GABRB2: variants seen among roughly 807,000 people sequenced by gnomAD.
GABRB2 encodes the protein gamma-aminobutyric acid type A receptor subunit beta2.
GABRB2 carries 16 observed loss-of-function variants against 54.7 expected under a neutral mutation model. The observed-to-expected ratio is 0.29, with a 90% CI of 0.20 to 0.44. The LOEUF (loss-of-function observed/expected upper bound fraction) is 0.44. Among genes scored for constraint, GABRB2 ranks in the 20% least tolerant of loss-of-function variants. The pLI is 1.00. For synonymous variants in GABRB2, 244 were observed against 233.8 expected, an observed-to-expected ratio of 1.04 and a Z score of -0.40; for missense variants, 355 against 644.0, an observed-to-expected ratio of 0.55 and a Z score of 4.86.
At chr5:161,326,114 A>C (rs138569742) in intron 9 of GABRB2, among the ~76,000 whole-genome samples, 1 of 152,168 alleles carries the variant, frequency 6.6e-6, no homozygotes, top group Non-Finnish European at 1.5e-5. Flanking sequence ...CGATCCATTT[A>C]ATTTCTTTCC....
intron 3 of GABRB2, among the ~76,000 whole-genome samples, chr5:161,478,196 G>C (rs1044412252): frequency 6.6e-6 from 1 of 151,948 alleles, no homozygotes; most frequent in Non-Finnish European, 1.5e-5. Flanking sequence ...TGTTCAAAGT[G>C]ATCAGGAAAA....
At chr5:161,322,301 T>C (rs1758234534) in intron 9 of GABRB2, among the ~76,000 whole-genome samples, 1 of 152,192 alleles carries the variant, frequency 6.6e-6, no homozygotes, top group South Asian at 2.1e-4. Flanking sequence ...AATGGTGCAA[T>C]CTTGGCGCGC....
chr5:161,528,730 T>C (rs1280663248), intron 3 of GABRB2, among the ~76,000 whole-genome samples: 1 of 151,920 alleles, frequency 6.6e-6, no homozygotes, highest in African/African-American at 2.4e-5. Context: ...GTATTATACA[T>C]ATGGTACATC....
chr5:161,447,435 C>T (rs1214187631), intron 4 of GABRB2, among the ~76,000 whole-genome samples: 1 of 152,082 alleles, frequency 6.6e-6, no homozygotes, highest in Non-Finnish European at 1.5e-5. Flanking sequence ...ATATAAAGTC[C>T]TAATTATTTT....
intron 3 of GABRB2, among the ~76,000 whole-genome samples, chr5:161,489,798 A>C (rs1046125216): frequency 6.6e-6 from 1 of 151,908 alleles, no homozygotes; most frequent in Admixed American, 6.6e-5. Flanking sequence ...CACTACTTAC[A>C]TTAAGCCTAA....
At chr5:161,439,638 A>T (rs1344692435) in intron 4 of GABRB2, among the ~76,000 whole-genome samples, 2 of 152,236 alleles carry the variant, frequency 1.3e-5, no homozygotes, top group Non-Finnish European at 2.9e-5. Context: ...AATAGAAAAA[A>T]CAAAAAGTTT....
intron 9 of GABRB2, among the ~76,000 whole-genome samples, chr5:161,317,613 C>T (rs1322569674): frequency 1.3e-5 from 2 of 152,052 alleles, no homozygotes; most frequent in Admixed American, 6.6e-5. Context: ...AAGAGGAATT[C>T]AGCTATTCCA....
At chr5:161,475,381 G>C (rs1455329237) in intron 3 of GABRB2, among the ~76,000 whole-genome samples, 1 of 151,846 alleles carries the variant, frequency 6.6e-6, no homozygotes, top group Non-Finnish European at 1.5e-5. Flanking sequence ...GACTTCACTA[G>C]TGAATCTGCC....
At chr5:161,358,713 T>C (rs1754714601) in intron 5 of GABRB2, among the ~76,000 whole-genome samples, 1 of 152,106 alleles carries the variant, frequency 6.6e-6, no homozygotes, top group Non-Finnish European at 1.5e-5. Flanking sequence ...TGCTCTTATA[T>C]GATGATTCAG....
intron 4 of GABRB2, among the ~76,000 whole-genome samples, chr5:161,453,098 T>C (rs1757840949): frequency 6.6e-6 from 1 of 152,186 alleles, no homozygotes; most frequent in South Asian, 2.1e-4. Flanking sequence ...CATATTTCAG[T>C]CTGTTTTAAA....
At chr5:161,350,898 T>C (rs1754454431) in intron 5 of GABRB2, among the ~76,000 whole-genome samples, 1 of 152,108 alleles carries the variant, frequency 6.6e-6, no homozygotes, top group African/African-American at 2.4e-5. Flanking sequence ...CTCTGGCCTT[T>C]GGTCACAGAC....
chr5:161,487,187 G>C (rs1758952081), intron 3 of GABRB2, among the ~76,000 whole-genome samples: 1 of 151,802 alleles, frequency 6.6e-6, no homozygotes, highest in Admixed American at 6.6e-5. Flanking sequence ...GCTCTTTTGT[G>C]CGGTGACAAG....
intron 4 of GABRB2, among the ~76,000 whole-genome samples, chr5:161,435,062 C>G (rs1379763651): frequency 6.6e-6 from 1 of 152,012 alleles, no homozygotes; most frequent in Non-Finnish European, 1.5e-5. Flanking sequence ...ACACATTGAC[C>G]CAGGAATATG....
chr5:161,533,109 C>T lies in GABRB2; in HGVS notation c.237+12118G>A, dbSNP rs536836785. 4.6e-5 allele frequency among the ~76,000 whole-genome samples: 7 copies of T among 151,748 alleles called. No homozygotes were observed. In the South Asian group the frequency reaches 1.5e-3, roughly 32 times the overall value. On this transcript the variant is annotated intron_variant, in intron 3 of 9. Coordinates refer to ENST00000393959, the MANE Select transcript of GABRB2 (RefSeq NM_001371727.1). ...TAAGACCTCTTGGCAGGTAAATGGG[C>T]AGTAGATGCCAAAGTGTATAGCAAG...
chr5:161,386,923 C>T (rs1020489644), intron 5 of GABRB2, among the ~76,000 whole-genome samples: 2 of 151,430 alleles, frequency 1.3e-5, no homozygotes, highest in Non-Finnish European at 2.9e-5. Flanking sequence ...GACTTGACCG[C>T]GTAAAAATGT....
intron 5 of GABRB2, among the ~76,000 whole-genome samples, chr5:161,353,746 T>G (rs1342428808): frequency 6.6e-6 from 1 of 152,142 alleles, no homozygotes; most frequent in East Asian, 1.9e-4. Context: ...TCAACTGTTT[T>G]TATTAGTAGT....
chr5:161,371,203 T>C (rs1667679091), intron 5 of GABRB2, among the ~76,000 whole-genome samples: 1 of 152,126 alleles, frequency 6.6e-6, no homozygotes, highest in Non-Finnish European at 1.5e-5. Flanking sequence ...TTCTGACCCA[T>C]GATCTGGGCA....
intron 3 of GABRB2, among the ~76,000 whole-genome samples, chr5:161,482,998 G>A (rs1376570413): frequency 6.6e-6 from 1 of 152,026 alleles, no homozygotes; most frequent in Non-Finnish European, 1.5e-5. Context: ...AAATGTGTCA[G>A]GAGAATATTA....
intron 3 of GABRB2, among the ~76,000 whole-genome samples, chr5:161,527,903 A>G (rs528637626): frequency 6.6e-6 from 1 of 151,820 alleles, no homozygotes; most frequent in South Asian, 2.1e-4. Context: ...TGTAACAAGT[A>G]TCAGTGCCTA....
Sources: gnomAD v4.1 joint callset for allele counts (sites outside exome capture counted in the v4.1 genomes callset) on GRCh38, gnomAD v4.1.1 for gene constraint, MANE v1.5 for transcripts, NCBI Gene and HGNC (gene_info 2026-07-23, HGNC 2026-07-21) for gene names.